Variants in RSU1 observed in about 807,000 individuals in gnomAD.
RSU1 encodes rsu-1.
A neutral mutation model predicts 31.1 loss-of-function variants in RSU1; 26 were observed. The observed-to-expected ratio is 0.84, with a 90% confidence interval of 0.61 to 1.16. RSU1 has a LOEUF of 1.16. RSU1 is among the 50% of genes most tolerant of loss of function. The pLI, the probability that RSU1 is intolerant of heterozygous loss-of-function variation, is 0.00. For synonymous variants in RSU1, 164 were observed against 136.3 expected, an observed-to-expected ratio of 1.20 and a Z score of -1.41; for missense variants, 320 against 339.1, an observed-to-expected ratio of 0.94 and a Z score of 0.44.
rs545427565 is a variant in RSU1, at chr10:16,756,033, A to G, written c.282-1044T>C. ...CCTATGAACGTAGTGATAATATCTC[A>G]AAATATACACATGAAGCTTTGTAGT... On this transcript the variant is annotated intron_variant, in intron 4 of 8. Transcript: ENST00000345264. Among the ~76,000 whole-genome samples, 3 of 152,298 alleles carry G rather than the reference A, an allele frequency of 2.0e-5. No individual in the cohort carries two copies. In the East Asian group the frequency reaches 5.8e-4, roughly 29 times the overall value.
At chr10:16,674,250 G>T (rs1270488245) in intron 8 of RSU1, among the ~76,000 whole-genome samples, 1 of 152,110 alleles carries the variant, frequency 6.6e-6, no homozygotes, top group Admixed American at 6.5e-5. Context: ...GATTTGATGG[G>T]AAATAGCTGG....
chr10:16,743,351 C>T (rs759421398), intron 7 of RSU1, among the ~76,000 whole-genome samples: 9 of 152,120 alleles, frequency 5.9e-5, no homozygotes, highest in Non-Finnish European at 1.2e-4. Flanking sequence ...ATGTCAATAA[C>T]GTGGCCTTAG....
At chr10:16,628,996 C>G (rs531599156) in intron 8 of RSU1, among the ~76,000 whole-genome samples, 1 of 152,260 alleles carries the variant, frequency 6.6e-6, no homozygotes, top group South Asian at 2.1e-4. Flanking sequence ...GTCCTCCATT[C>G]CTCATATATT....
intron 8 of RSU1, among the ~76,000 whole-genome samples, chr10:16,638,317 T>C (rs1834381646): frequency 6.6e-6 from 1 of 152,036 alleles, no homozygotes; most frequent in Non-Finnish European, 1.5e-5. Flanking sequence ...CGCGCATGTG[T>C]GTAGTACCTT....
chr10:16,754,625 G>T (rs1233129124), intron 5 of RSU1, among the ~76,000 whole-genome samples: 3 of 150,914 alleles, frequency 2.0e-5, no homozygotes, highest in Non-Finnish European at 4.4e-5. Flanking sequence ...TCTCATTTAG[G>T]TATATAATCT....
At chr10:16,711,458 G>C (rs1836017550) in intron 7 of RSU1, among the ~76,000 whole-genome samples, 1 of 151,786 alleles carries the variant, frequency 6.6e-6, no homozygotes, top group Non-Finnish European at 1.5e-5. Context: ...TGTTTTTCTA[G>C]TTCCTTGTGG....
intron 7 of RSU1, among the ~76,000 whole-genome samples, chr10:16,708,020 G>C (rs1045905947): frequency 1.3e-5 from 2 of 152,000 alleles, no homozygotes; most frequent in African/African-American, 4.8e-5. Flanking sequence ...AAAATTAGTT[G>C]GCTATAGGTA....
At chr10:16,764,750 C>T (rs1588520373) in intron 3 of RSU1, among the ~76,000 whole-genome samples, 2 of 152,212 alleles carry the variant, frequency 1.3e-5, no homozygotes, top group East Asian at 1.9e-4. Context: ...TAGTTTGTTT[C>T]AGATGGACAA....
intron 7 of RSU1, among the ~76,000 whole-genome samples, chr10:16,742,179 C>T (rs542341230): frequency 2.0e-5 from 3 of 152,290 alleles, no homozygotes; most frequent in African/African-American, 7.2e-5. Flanking sequence ...TATTAGAATG[C>T]TATCACCCAA....
chr10:16,660,867 G>A (rs1218167538), intron 8 of RSU1, among the ~76,000 whole-genome samples: 1 of 151,596 alleles, frequency 6.6e-6, no homozygotes, highest in Non-Finnish European at 1.5e-5. Context: ...GGCTGTCCTC[G>A]AACTCCTGGC....
intron 2 of RSU1, among the ~76,000 whole-genome samples, chr10:16,809,993 G>A (rs11254212): frequency 2.0e-5 from 3 of 148,706 alleles, no homozygotes; most frequent in East Asian, 2.0e-4. Context: ...GGCCGGGGGT[G>A]GGGGGGGGAG....
Position 16,722,737 on chromosome 10 carries a change from T to C in RSU1, c.599-27582A>G, listed in dbSNP as rs1468694850. ...CAAGCTATCTGTCTTAAGAGCACAC[T>C]TTTTATATAACTCAAACTACATATG... On this transcript the variant is annotated intron_variant, in intron 7 of 8. Coordinates refer to ENST00000345264, the MANE Select transcript of RSU1 (RefSeq NM_012425.4). Among the ~76,000 whole-genome samples, 3 of 152,032 alleles carry C rather than the reference T, an allele frequency of 2.0e-5. No individual in the cohort carries two copies. The East Asian group carries it at 5.8e-4, about 29-fold the overall frequency.
intron 7 of RSU1, among the ~76,000 whole-genome samples, chr10:16,725,209 G>C (rs1348947498): frequency 1.3e-5 from 2 of 152,102 alleles, no homozygotes; most frequent in South Asian, 2.1e-4. Context: ...AAGAGAGAGA[G>C]AATATGAATA....
chr10:16,600,020 A>G (rs75540676), intron 8 of RSU1, among the ~76,000 whole-genome samples: 2,033 of 152,140 alleles, frequency 0.013, 45 homozygotes, highest in African/African-American at 0.046. Context: ...GATAGCCGGG[A>G]TTTGGAGAGG....
chr10:16,757,258 T>G (rs1022395652), intron 4 of RSU1, among the ~76,000 whole-genome samples: 10 of 151,994 alleles, frequency 6.6e-5, no homozygotes, highest in African/African-American at 2.2e-4. Flanking sequence ...AAAAAAAAAT[T>G]TAATAAAAGT....
chr10:16,720,941 T>C (rs532276368), intron 7 of RSU1, among the ~76,000 whole-genome samples: 46 of 152,190 alleles, frequency 3.0e-4, no homozygotes, highest in African/African-American at 1.1e-3. Context: ...GAGCTGAGAC[T>C]GCACCACTGC....
intron 8 of RSU1, among the ~76,000 whole-genome samples, chr10:16,626,805 C>T (rs1834166578): frequency 2.0e-5 from 3 of 152,108 alleles, no homozygotes; most frequent in Admixed American, 2.0e-4. Flanking sequence ...GGGGATTCTA[C>T]TAGTATTTAT....
At chr10:16,620,166 G>A (rs2131477690) in intron 8 of RSU1, among the ~76,000 whole-genome samples, 1 of 152,242 alleles carries the variant, frequency 6.6e-6, no homozygotes, top group Admixed American at 6.5e-5. Flanking sequence ...CCTATCTGAG[G>A]TTCAGTTTTT....
At chr10:16,628,108 A>G (rs17138883) in intron 8 of RSU1, among the ~76,000 whole-genome samples, 19,448 of 152,238 alleles carry the variant, frequency 0.13, 1,329 homozygotes, top group Non-Finnish European at 0.16. Context: ...TAGCCTGTCT[A>G]TTACAAACCA....
Sources: gnomAD v4.1 joint callset for allele counts (sites outside exome capture counted in the v4.1 genomes callset) on GRCh38, gnomAD v4.1.1 for gene constraint, MANE v1.5 for transcripts, NCBI Gene and HGNC (gene_info 2026-07-23, HGNC 2026-07-21) for gene names.